Variants in SEMA6D observed in about 807,000 individuals in gnomAD.
SEMA6D encodes semaphorin-6D.
SEMA6D carries 35 observed loss-of-function variants against 106.6 expected under a neutral mutation model. The observed-to-expected ratio is 0.33, with a 90% CI of 0.25 to 0.44. SEMA6D has a LOEUF of 0.44. Among genes scored for constraint, SEMA6D ranks in the 20% least tolerant of loss-of-function variants. The probability of loss-of-function intolerance (pLI) is 1.00; values close to 1 mark genes in which losing one functional copy is unlikely to be tolerated. For synonymous variants in SEMA6D, 499 were observed against 487.7 expected (o/e 1.02, Z -0.31); for missense variants, 1,185 against 1,345.9 (o/e 0.88, Z 1.87).
intron 4 of SEMA6D, among the ~76,000 whole-genome samples, chr15:47,710,049 C>A (rs2078985757): frequency 6.6e-6 from 1 of 152,134 alleles, no homozygotes; most frequent in Non-Finnish European, 1.5e-5. Context: ...CAAGCAAAAG[C>A]CTAGCCAATG....
chr15:47,431,263 TTTTTA>T (rs2041513452), intron 2 of SEMA6D, among the ~76,000 whole-genome samples: 1 of 152,156 alleles, frequency 6.6e-6, no homozygotes, highest in Non-Finnish European at 1.5e-5. Context: ...TTGAATATCA[TTTTTA>T]TTTTGTTTAT....
rs1035826141 is a variant in SEMA6D, at chr15:47,475,177, C to A, written c.-87+4632C>A. ...GTTAATTTTTGCTGAAAAAAGAAAG[C>A]GCTCTCATTTACCTAAATAAAAGCC... is the stretch of plus-strand genomic sequence containing the variant. On this transcript the variant is annotated intron_variant, in intron 3 of 19. Transcript: ENST00000558014. Among the ~76,000 whole-genome samples, 3 of 152,204 alleles carry A rather than the reference C, an allele frequency of 2.0e-5. No individual in the cohort carries two copies. In the East Asian group the frequency reaches 5.8e-4, roughly 29 times the overall value.
chr15:47,483,548 G>A (rs2043213239), intron 3 of SEMA6D, among the ~76,000 whole-genome samples: 1 of 152,052 alleles, frequency 6.6e-6, no homozygotes, highest in South Asian at 2.1e-4. Context: ...AACTGTAATA[G>A]TCAGGTTTAT....
At chr15:47,730,316 G>A (rs893759410) in intron 1 of SEMA6D, 8 of 1,503,998 alleles carry the variant, frequency 5.3e-6, no homozygotes, top group Admixed American at 3.3e-5. Flanking sequence ...TTTGTCTTCC[G>A]AGTTCACCTG....
At chr15:47,637,251 A>G (rs1465178727) in intron 4 of SEMA6D, among the ~76,000 whole-genome samples, 1 of 152,174 alleles carries the variant, frequency 6.6e-6, no homozygotes, top group Non-Finnish European at 1.5e-5. Flanking sequence ...AGCTAATAAA[A>G]TATTTCTTTC....
At chr15:47,616,991 G>A (rs1236223452) in intron 4 of SEMA6D, among the ~76,000 whole-genome samples, 1 of 152,128 alleles carries the variant, frequency 6.6e-6, no homozygotes, top group African/African-American at 2.4e-5. Flanking sequence ...TTCTAGTCAC[G>A]TGTTAGCCCA....
intron 1 of SEMA6D, among the ~76,000 whole-genome samples, chr15:47,221,948 T>C (rs1363533263): frequency 6.6e-6 from 1 of 152,028 alleles, no homozygotes; most frequent in Non-Finnish European, 1.5e-5. Flanking sequence ...TGCAGTGGGG[T>C]CCATAGGCTT....
At chr15:47,691,766 T>C (rs1035183847) in intron 4 of SEMA6D, among the ~76,000 whole-genome samples, 4 of 151,836 alleles carry the variant, frequency 2.6e-5, no homozygotes, top group African/African-American at 9.7e-5. Flanking sequence ...AAAAACCCTA[T>C]ATTGAGTGCC....
intron 3 of SEMA6D, among the ~76,000 whole-genome samples, chr15:47,568,633 A>G (rs1342099975): frequency 6.6e-6 from 1 of 152,100 alleles, no homozygotes; most frequent in East Asian, 1.9e-4. Context: ...ATAATCATTC[A>G]TTTCTGGTGA....
intron 3 of SEMA6D, among the ~76,000 whole-genome samples, chr15:47,575,351 G>A (rs1024114721): frequency 1.3e-5 from 2 of 152,168 alleles, no homozygotes; most frequent in African/African-American, 2.4e-5. Context: ...AGTCATAGCT[G>A]AAGCCACAGT....
At chr15:47,699,362 C>T (rs1222552691) in intron 4 of SEMA6D, among the ~76,000 whole-genome samples, 1 of 152,110 alleles carries the variant, frequency 6.6e-6, no homozygotes, top group African/African-American at 2.4e-5. Flanking sequence ...TTGATATTAT[C>T]CCTGTTTTAT....
intron 1 of SEMA6D, among the ~76,000 whole-genome samples, chr15:47,720,048 G>A (rs1201419164): frequency 2.0e-5 from 3 of 152,258 alleles, no homozygotes; most frequent in African/African-American, 4.8e-5. Flanking sequence ...GTTACTGTCT[G>A]TGCTTTGTTT....
At chr15:47,504,923 G>GA (rs1282379731) in intron 3 of SEMA6D, among the ~76,000 whole-genome samples, 1 of 151,972 alleles carries the variant, frequency 6.6e-6, no homozygotes, top group Non-Finnish European at 1.5e-5. Context: ...CCTTCTGTGG[G>GA]AAAAAAGAGG....
chr15:47,704,951 T>G (rs543073685), intron 4 of SEMA6D, among the ~76,000 whole-genome samples: 2 of 151,252 alleles, frequency 1.3e-5, no homozygotes, highest in South Asian at 4.2e-4. Context: ...GTACTTAAAG[T>G]TTTTTTTAAA....
At chr15:47,263,645 G>A (rs1464546571) in intron 1 of SEMA6D, among the ~76,000 whole-genome samples, 1 of 151,884 alleles carries the variant, frequency 6.6e-6, no homozygotes, top group African/African-American at 2.4e-5. Flanking sequence ...CAACCATTGA[G>A]GAAGATAGTG....
intron 4 of SEMA6D, among the ~76,000 whole-genome samples, chr15:47,669,293 C>G (rs926670832): frequency 5.9e-5 from 9 of 152,222 alleles, no homozygotes; most frequent in African/African-American, 7.2e-5. Flanking sequence ...TATCTCAGCA[C>G]TTATAACCCT....
chr15:47,515,188 T>G (rs1465809604), intron 3 of SEMA6D, among the ~76,000 whole-genome samples: 3 of 152,114 alleles, frequency 2.0e-5, no homozygotes, highest in Admixed American at 1.3e-4. Context: ...CTCACCTCCT[T>G]CAAGCCTTTG....
chr15:47,333,537 T>C (rs2037429207), intron 1 of SEMA6D, among the ~76,000 whole-genome samples: 1 of 152,094 alleles, frequency 6.6e-6, no homozygotes, highest in Non-Finnish European at 1.5e-5. Context: ...GACCCAGAAG[T>C]ACCACCTAGA....
intron 1 of SEMA6D, among the ~76,000 whole-genome samples, chr15:47,383,009 G>A (rs961676789): frequency 9.9e-5 from 15 of 152,190 alleles, no homozygotes; most frequent in East Asian, 3.9e-4. Context: ...CAGGTAATCC[G>A]CCCCCCTTGG....
Sources: allele counts gnomAD v4.1 joint callset (sites outside exome capture counted in the v4.1 genomes callset), GRCh38; gene constraint gnomAD v4.1.1; transcripts MANE v1.5; gene names NCBI Gene and HGNC (gene_info 2026-07-23, HGNC 2026-07-21).